The following ADAMTSL1 variants were observed in gnomAD, a reference collection of about 807,000 sequenced individuals.
ADAMTSL1 encodes the protein ADAMTS-like protein 1.
Under a neutral mutation model 201.8 loss-of-function variants are expected in ADAMTSL1, and 126 were observed. The ratio of observed to expected loss-of-function variants is 0.62; its 90% CI spans 0.54 to 0.72. The LOEUF (loss-of-function observed/expected upper bound fraction) is 0.72. Among genes scored for constraint, ADAMTSL1 ranks in the 30% least tolerant of loss-of-function variants. The pLI, the probability that ADAMTSL1 is intolerant of heterozygous loss-of-function variation, is 0.00. For synonymous variants in ADAMTSL1, 1,121 were observed against 903.4 expected (o/e 1.24, Z -4.32); for missense variants, 2,679 against 2,277.8 (o/e 1.18, Z -3.59).
At chr9:18,238,122 G>C (rs1223529141) in intron 2 of ADAMTSL1, among the ~76,000 whole-genome samples, 1 of 152,198 alleles carries the variant, frequency 6.6e-6, no homozygotes, top group African/African-American at 2.4e-5. Flanking sequence ...AGGTCTGGGA[G>C]ATGTTGACTG....
chr9:18,791,270 T>C (rs1007739207), intron 19 of ADAMTSL1, among the ~76,000 whole-genome samples: 1 of 152,204 alleles, frequency 6.6e-6, no homozygotes, highest in Non-Finnish European at 1.5e-5. Context: ...CCAGAACTAC[T>C]GCTCCGCCTA....
intron 1 of ADAMTSL1, among the ~76,000 whole-genome samples, chr9:17,999,711 G>C (rs573484484): frequency 2.0e-5 from 3 of 149,996 alleles, no homozygotes; most frequent in African/African-American, 7.4e-5. Context: ...CCACTAACTC[G>C]TCATCTAGCA....
At chr9:18,455,997 C>A (rs536367488) in intron 2 of ADAMTSL1, among the ~76,000 whole-genome samples, 52 of 152,296 alleles carry the variant, frequency 3.4e-4, no homozygotes, top group African/African-American at 1.1e-3. Context: ...AACTTGTTCT[C>A]TTCCTAGAAG....
intron 1 of ADAMTSL1, among the ~76,000 whole-genome samples, chr9:18,023,892 A>G (rs372612093): frequency 6.6e-6 from 1 of 152,152 alleles, no homozygotes; most frequent in Admixed American, 6.6e-5. Context: ...AAAAAATCTC[A>G]ATTTATTAAA....
Position 18,260,806 on chromosome 9 carries a change from C to T in ADAMTSL1, c.207+96825C>T, listed in dbSNP as rs534283864. Among the ~76,000 whole-genome samples the T allele has an allele frequency of 1.4e-3, 216 of 152,232 alleles. 1 individual carries two copies. Among genetic ancestry groups the T allele is most frequent in the African/African-American group, 5.0e-3 (209 of 41,540 alleles). ...CTTACGGGGGAGGTGAAGCCAAATC[C>T]CATATATTTAAAACTGTAATGCTTT... On this transcript the variant is annotated intron_variant, in intron 2 of 29. Transcript: ENST00000680146.
At position 18,094,797 on chromosome 9, in the gene ADAMTSL1, A is replaced by G. The variant is rs574462982; in HGVS notation, c.88-69065A>G. Among the ~76,000 whole-genome samples the G allele has an allele frequency of 1.8e-4, 26 of 143,490 alleles. No homozygotes were observed. In the South Asian group the frequency reaches 5.3e-3, roughly 29 times the overall value. The allele number at this position is 143,490 out of a possible 152,430, so 94.1% of individuals were successfully genotyped here. ...TAGCCAGGATGCTCTCAATCTCCTG[A>G]CCTCCTGATCTGCCCGCCTCAGCCT... On this transcript the variant is annotated intron_variant, in intron 1 of 29. Transcript: ENST00000680146.
intron 13 of ADAMTSL1, among the ~76,000 whole-genome samples, chr9:18,688,157 C>G (rs917997391): frequency 1.3e-5 from 2 of 150,688 alleles, no homozygotes; most frequent in South Asian, 4.2e-4. Flanking sequence ...TAGTCTCACT[C>G]TTGTCGCCCA....
intron 2 of ADAMTSL1, among the ~76,000 whole-genome samples, chr9:18,175,423 C>T (rs1828099475): frequency 6.6e-6 from 1 of 152,166 alleles, no homozygotes; most frequent in South Asian, 2.1e-4. Context: ...TTGCTCTTTA[C>T]ACAGTGGATA....
intron 2 of ADAMTSL1, among the ~76,000 whole-genome samples, chr9:18,206,674 G>T (rs187820391): frequency 1.3e-5 from 2 of 152,002 alleles, no homozygotes; most frequent in East Asian, 1.9e-4. Flanking sequence ...TATCTTTTAG[G>T]ACTTAAAAAA....
intron 4 of ADAMTSL1, among the ~76,000 whole-genome samples, chr9:18,610,471 T>A (rs954296967): frequency 3.5e-4 from 54 of 152,128 alleles, no homozygotes; most frequent in African/African-American, 1.3e-3. Context: ...CTCTCCAGGC[T>A]CTACCCTAAA....
chr9:18,820,488 C>T (rs755924996), intron 21 of ADAMTSL1, among the ~76,000 whole-genome samples: 4 of 152,186 alleles, frequency 2.6e-5, no homozygotes, highest in African/African-American at 7.2e-5. Context: ...CCACAGCTGA[C>T]ATTTTATTAA....
intron 1 of ADAMTSL1, among the ~76,000 whole-genome samples, chr9:17,998,894 G>T (rs992945402): frequency 1.3e-5 from 2 of 151,918 alleles, no homozygotes; most frequent in African/African-American, 4.8e-5. Context: ...CAATACAAAG[G>T]CCCCATGAAA....
At chr9:18,873,773 A>G (rs935901691) in intron 23 of ADAMTSL1, among the ~76,000 whole-genome samples, 4 of 152,036 alleles carry the variant, frequency 2.6e-5, no homozygotes, top group African/African-American at 9.7e-5. Context: ...TGCTTTGTCT[A>G]TGTGGGCTCT....
chr9:18,835,662 C>T (rs925456820), intron 23 of ADAMTSL1, among the ~76,000 whole-genome samples: 5 of 152,094 alleles, frequency 3.3e-5, no homozygotes, highest in Admixed American at 6.6e-5. Context: ...TGTTCCTTTC[C>T]TCTCTCATTA....
intron 1 of ADAMTSL1, among the ~76,000 whole-genome samples, chr9:18,144,809 G>A (rs1448643878): frequency 6.6e-6 from 1 of 152,108 alleles, no homozygotes; most frequent in Non-Finnish European, 1.5e-5. Flanking sequence ...CTTTCATTCA[G>A]GTGAGTACTC....
At chr9:18,142,415 A>G (rs1826440667) in intron 1 of ADAMTSL1, among the ~76,000 whole-genome samples, 1 of 152,198 alleles carries the variant, frequency 6.6e-6, no homozygotes, top group Non-Finnish European at 1.5e-5. Flanking sequence ...TTTTCATAAT[A>G]TGCGTTCTTT....
intron 4 of ADAMTSL1, among the ~76,000 whole-genome samples, chr9:18,611,739 A>G (rs1406064283): frequency 2.0e-5 from 3 of 152,192 alleles, no homozygotes; most frequent in Non-Finnish European, 4.4e-5. Flanking sequence ...AATGTTTGCC[A>G]TCTTAGCTCA....
chr9:18,114,129 T>G (rs1032280313), intron 1 of ADAMTSL1, among the ~76,000 whole-genome samples: 1 of 152,164 alleles, frequency 6.6e-6, no homozygotes, highest in African/African-American at 2.4e-5. Context: ...TTGGGTCACA[T>G]GACATTGAGA....
intron 9 of ADAMTSL1, among the ~76,000 whole-genome samples, chr9:18,664,012 G>A (rs1829273594): frequency 1.3e-5 from 2 of 151,914 alleles, no homozygotes; most frequent in African/African-American, 2.4e-5. Context: ...GGGACAGTTG[G>A]CTATGTAAAA....
Sources: gnomAD v4.1 joint callset for allele counts (sites outside exome capture counted in the v4.1 genomes callset) on GRCh38, gnomAD v4.1.1 for gene constraint, MANE v1.5 for transcripts, NCBI Gene and HGNC (gene_info 2026-07-23, HGNC 2026-07-21) for gene names.